Variants in PTPRG observed in about 807,000 individuals in gnomAD.
PTPRG encodes the protein receptor-type tyrosine-protein phosphatase gamma.
A neutral mutation model predicts 165.3 loss-of-function variants in PTPRG; 102 were observed. The ratio of observed to expected loss-of-function variants is 0.62; its 90% confidence interval spans 0.53 to 0.73. The LOEUF is 0.73. PTPRG is among the 30% of genes least tolerant of loss of function. The probability of loss-of-function intolerance (pLI) is 0.00; values close to 1 mark genes in which losing one functional copy is unlikely to be tolerated. For synonymous variants in PTPRG, 675 were observed against 669.5 expected (o/e 1.01, Z -0.13); for missense variants, 1,866 against 1,861.4 (o/e 1.00, Z -0.05).
At chr3:61,628,212 T>G (rs1469224333) in intron 1 of PTPRG, among the ~76,000 whole-genome samples, 2 of 152,204 alleles carry the variant, frequency 1.3e-5, no homozygotes, top group Non-Finnish European at 2.9e-5. Context: ...ATGTGGCTCT[T>G]TTGTTTAACT....
At chr3:61,770,063 A>G (rs1314185148) in intron 2 of PTPRG, 1 of 152,290 alleles carries the variant, frequency 6.6e-6, no homozygotes, top group East Asian at 1.9e-4. Context: ...AAGTTTCCTT[A>G]TTGCAAAGTG....
intron 2 of PTPRG, among the ~76,000 whole-genome samples, chr3:61,789,216 C>G (rs1021230803): frequency 5.3e-5 from 8 of 152,162 alleles, no homozygotes; most frequent in Admixed American, 3.3e-4. Context: ...CCTCCCATCT[C>G]AACCTCTTGA....
intron 4 of PTPRG, among the ~76,000 whole-genome samples, chr3:62,059,832 G>T (rs1190617774): frequency 6.6e-6 from 1 of 152,120 alleles, no homozygotes; most frequent in Admixed American, 6.5e-5. Flanking sequence ...GAGATCTGAT[G>T]GTTTCATAAG....
chr3:62,012,491 A>G (rs1048086612), intron 4 of PTPRG, among the ~76,000 whole-genome samples: 9 of 152,150 alleles, frequency 5.9e-5, no homozygotes, highest in Non-Finnish European at 1.2e-4. Context: ...ATTTGGGAAC[A>G]TTTACTTATA....
chr3:61,820,529 G>C (rs2035919048), intron 2 of PTPRG, among the ~76,000 whole-genome samples: 1 of 149,614 alleles, frequency 6.7e-6, no homozygotes, highest in African/African-American at 2.5e-5. Context: ...CCATGGCCCA[G>C]TCAAGTTGAC....
intron 2 of PTPRG, among the ~76,000 whole-genome samples, chr3:61,815,269 G>A (rs2035722288): frequency 6.6e-6 from 1 of 150,712 alleles, no homozygotes; most frequent in South Asian, 2.1e-4. Flanking sequence ...AATCAGTTGG[G>A]CATGGTGATG....
At chr3:61,779,781 T>C (rs1284922146) in intron 2 of PTPRG, among the ~76,000 whole-genome samples, 1 of 152,206 alleles carries the variant, frequency 6.6e-6, no homozygotes, top group Non-Finnish European at 1.5e-5. Context: ...TTTTTATTTT[T>C]TGCATGCTGA....
chr3:62,064,226 T>G (rs1332732305), intron 4 of PTPRG, among the ~76,000 whole-genome samples: 1 of 152,152 alleles, frequency 6.6e-6, no homozygotes, highest in African/African-American at 2.4e-5. Flanking sequence ...ACAAGTCTTC[T>G]CCCCAGAGAA....
chr3:62,139,786 G>T (rs1242087235), intron 6 of PTPRG, among the ~76,000 whole-genome samples: 12 of 152,090 alleles, frequency 7.9e-5, no homozygotes, highest in Non-Finnish European at 1.5e-5. Context: ...CCACCTTTTT[G>T]CCCCTGCCCT....
chr3:62,016,693 T>C (rs979320462), intron 4 of PTPRG, among the ~76,000 whole-genome samples: 7 of 152,214 alleles, frequency 4.6e-5, no homozygotes, highest in African/African-American at 1.7e-4. Flanking sequence ...TTGCATTACA[T>C]TTTTCCCTCA....
chr3:61,593,628 G>T (rs1559515968), intron 1 of PTPRG, among the ~76,000 whole-genome samples: 1 of 150,428 alleles, frequency 6.6e-6, no homozygotes, highest in Non-Finnish European at 1.5e-5. Context: ...ATCAGCTCTT[G>T]TTCCTGTTCT....
chr3:61,928,379 C>T (rs1014116657), intron 2 of PTPRG, among the ~76,000 whole-genome samples: 4 of 152,160 alleles, frequency 2.6e-5, no homozygotes, highest in Non-Finnish European at 5.9e-5. Flanking sequence ...GAATGAAACC[C>T]TATCACATTT....
intron 4 of PTPRG, among the ~76,000 whole-genome samples, chr3:62,053,997 C>G (rs529350441): frequency 6.6e-6 from 1 of 152,332 alleles, no homozygotes; most frequent in African/African-American, 2.4e-5. Flanking sequence ...TAACTACTGT[C>G]TGGGTCAAGA....
intron 4 of PTPRG, among the ~76,000 whole-genome samples, chr3:62,006,814 A>G (rs1312883108): frequency 2.6e-5 from 4 of 152,188 alleles, no homozygotes; most frequent in Non-Finnish European, 5.9e-5. Context: ...TTCCAATGTA[A>G]AGGACAGCCC....
intron 2 of PTPRG, among the ~76,000 whole-genome samples, chr3:61,756,623 G>T (rs2033643165): frequency 6.6e-6 from 1 of 152,144 alleles, no homozygotes; most frequent in Non-Finnish European, 1.5e-5. Context: ...CATTTTCTCT[G>T]TGGAGGTGGT....
intron 17 of PTPRG, among the ~76,000 whole-genome samples, chr3:62,264,607 T>C (rs941924115): frequency 1.3e-5 from 2 of 152,354 alleles, no homozygotes; most frequent in African/African-American, 4.8e-5. Flanking sequence ...TCATCCATGT[T>C]GTACCATATA....
chr3:61,661,688 CTT>C (rs1201148965), intron 1 of PTPRG, among the ~76,000 whole-genome samples: 1 of 152,120 alleles, frequency 6.6e-6, no homozygotes, highest in Non-Finnish European at 1.5e-5. Context: ...AATCACTTCT[CTT>C]TTCTTTGTAG....
chr3:61,635,341 A>G (rs547874970), intron 1 of PTPRG, among the ~76,000 whole-genome samples: 3 of 148,200 alleles, frequency 2.0e-5, no homozygotes, highest in East Asian at 3.9e-4. Context: ...TAATTTATAT[A>G]TATATTATAT....
At chr3:61,865,259 C>T (rs1330246780) in intron 2 of PTPRG, among the ~76,000 whole-genome samples, 2 of 152,110 alleles carry the variant, frequency 1.3e-5, no homozygotes, top group African/African-American at 4.8e-5. Context: ...CCATGCCAAA[C>T]CCCCACAACA....
Sources: gnomAD v4.1 joint callset for allele counts (sites outside exome capture counted in the v4.1 genomes callset) on GRCh38, gnomAD v4.1.1 for gene constraint, MANE v1.5 for transcripts, NCBI Gene and HGNC (gene_info 2026-07-23, HGNC 2026-07-21) for gene names.